The following LARGE1 variants were observed in gnomAD, a reference collection of about 807,000 sequenced individuals.
LARGE1 encodes LARGE xylosyl- and glucuronyltransferase 1.
A neutral mutation model predicts 87.6 loss-of-function variants in LARGE1; 43 were observed. The ratio of observed to expected loss-of-function variants is 0.49; its 90% CI spans 0.38 to 0.63. LARGE1 has a LOEUF of 0.63. LARGE1 is among the 30% of genes least tolerant of loss of function. The pLI is 0.00. For missense variants in LARGE1, 802 were observed against 1,000.2 expected, an observed-to-expected ratio of 0.80 and a Z score of 2.67; for synonymous variants, 434 against 394.6, an observed-to-expected ratio of 1.10 and a Z score of -1.18.
chr22:33,103,432 CAAAAAAAAA>C, the LARGE1 span, among the ~76,000 whole-genome samples: 118 of 33,804 alleles, frequency 3.5e-3, 1 homozygote, highest in Admixed American at 8.4e-3. Flanking sequence ...GACTCTGTCT[CAAAAAAAAA>C]AAAAAAAAAA....
chr22:33,455,500 C>T (rs1047669077), intron 6 of LARGE1, among the ~76,000 whole-genome samples: 1 of 152,038 alleles, frequency 6.6e-6, no homozygotes, highest in Non-Finnish European at 1.5e-5. Flanking sequence ...TGCCTGTAAT[C>T]CCAGCACTTT....
chr22:33,464,375 C>A (rs2148037070), intron 6 of LARGE1, among the ~76,000 whole-genome samples: 1 of 152,224 alleles, frequency 6.6e-6, no homozygotes, highest in East Asian at 1.9e-4. Context: ...AAAAAAATGA[C>A]TGATAAATTC....
intron 13 of LARGE1, 94 bp downstream of exon 13, chr22:33,283,108 A>T: frequency 6.5e-7 from 1 of 1,531,528 alleles, no homozygotes; most frequent in Non-Finnish European, 9.0e-7. Context: ...AAGGCGAGCG[A>T]CAAACTTCCA....
At chr22:33,793,453 GT>G (rs2085885040) in intron 1 of LARGE1, among the ~76,000 whole-genome samples, 2 of 152,124 alleles carry the variant, frequency 1.3e-5, no homozygotes, top group Admixed American at 6.5e-5. Flanking sequence ...GCTCCCCCAT[GT>G]TTACTGAAAT....
At chr22:33,824,056 A>G (rs138786264) in intron 1 of LARGE1, among the ~76,000 whole-genome samples, 29 of 152,346 alleles carry the variant, frequency 1.9e-4, no homozygotes, top group African/African-American at 7.0e-4. Flanking sequence ...TAAGGCTGAT[A>G]TCATTATCCT....
chr22:33,323,972 C>T (rs1378119557), intron 10 of LARGE1, among the ~76,000 whole-genome samples: 1 of 152,160 alleles, frequency 6.6e-6, no homozygotes. Context: ...TGGCTCACGC[C>T]TATAATCCCA....
intron 5 of LARGE1, among the ~76,000 whole-genome samples, chr22:33,592,296 T>C (rs189270364): frequency 6.6e-6 from 1 of 152,260 alleles, no homozygotes; most frequent in Non-Finnish European, 1.5e-5. Flanking sequence ...GGCTATCTAA[T>C]AGTTCATTTT....
At chr22:33,347,230 T>C (rs1354537760) in intron 9 of LARGE1, among the ~76,000 whole-genome samples, 1 of 152,242 alleles carries the variant, frequency 6.6e-6, no homozygotes, top group Non-Finnish European at 1.5e-5. Flanking sequence ...GGTAGCTCTA[T>C]TAGAGAACTC....
At chr22:33,898,159 G>T (rs1042500577) in intron 1 of LARGE1, among the ~76,000 whole-genome samples, 4 of 152,170 alleles carry the variant, frequency 2.6e-5, no homozygotes, top group African/African-American at 9.7e-5. Context: ...CTTGAGCCAG[G>T]CTTAAAAGAG....
At chr22:33,282,881 A>G (rs1930726813) in intron 13 of LARGE1, among the ~76,000 whole-genome samples, 1 of 152,220 alleles carries the variant, frequency 6.6e-6, no homozygotes, top group Admixed American at 6.5e-5. Flanking sequence ...AGATGGCAGC[A>G]GGAACCTAAA....
intron 11 of LARGE1, among the ~76,000 whole-genome samples, chr22:33,242,632 G>T (rs958711557): frequency 6.6e-6 from 1 of 152,034 alleles, no homozygotes; most frequent in Admixed American, 6.6e-5. Context: ...TTCTCACAGG[G>T]TCTTGAGGGT....
chr22:33,742,464 G>T (rs545985102), intron 2 of LARGE1, among the ~76,000 whole-genome samples: 4 of 152,332 alleles, frequency 2.6e-5, no homozygotes, highest in African/African-American at 9.6e-5. Flanking sequence ...CATGTAGTAT[G>T]AGTTCCCTTA....
chr22:33,072,551 CAT>C, the LARGE1 span, among the ~76,000 whole-genome samples: 1 of 152,116 alleles, frequency 6.6e-6, no homozygotes, highest in African/African-American at 2.4e-5. Flanking sequence ...TTGGGAAGCT[CAT>C]AAAAAAGTGA....
intron 6 of LARGE1, among the ~76,000 whole-genome samples, chr22:33,500,422 T>C (rs1025527460): frequency 6.6e-6 from 1 of 152,202 alleles, no homozygotes; most frequent in African/African-American, 2.4e-5. Context: ...CAAACACTCT[T>C]TGAGGACCAT....
intron 1 of LARGE1, among the ~76,000 whole-genome samples, chr22:33,818,621 A>G (rs5749672): frequency 0.99 from 151,392 of 152,324 alleles, 75,233 homozygotes; most frequent in Middle Eastern, 1. Flanking sequence ...AATAAATTAA[A>G]ATTGTTCCTT....
intron 2 of LARGE1, among the ~76,000 whole-genome samples, chr22:33,682,869 C>T (rs965755804): frequency 5.3e-5 from 8 of 152,208 alleles, no homozygotes; most frequent in Admixed American, 4.6e-4. Context: ...AGGCCCAAGG[C>T]CATACCAATG....
At chr22:33,911,357 C>T (rs540627451) in intron 1 of LARGE1, among the ~76,000 whole-genome samples, 80 of 152,250 alleles carry the variant, frequency 5.3e-4, no homozygotes, top group African/African-American at 1.7e-3. Context: ...GCCTTACAGA[C>T]GGAAGGCATC....
intron 1 of LARGE1, among the ~76,000 whole-genome samples, chr22:33,815,465 G>A (rs574745778): frequency 7.2e-5 from 11 of 152,166 alleles, no homozygotes; most frequent in African/African-American, 9.6e-5. Context: ...TTCCTCATGC[G>A]GGGAGAATGT....
At chr22:33,695,341 T>A (rs924031756) in intron 2 of LARGE1, among the ~76,000 whole-genome samples, 2 of 152,134 alleles carry the variant, frequency 1.3e-5, no homozygotes, top group Non-Finnish European at 2.9e-5. Context: ...TGACCTCAAG[T>A]GATCCATCCA....
Sources: gnomAD v4.1 joint callset for allele counts (sites outside exome capture counted in the v4.1 genomes callset) on GRCh38, gnomAD v4.1.1 for gene constraint, MANE v1.5 for transcripts, NCBI Gene and HGNC (gene_info 2026-07-23, HGNC 2026-07-21) for gene names.